The following NDUFA10 variants were observed in gnomAD, a reference collection of about 807,000 sequenced individuals.
The protein encoded by NDUFA10 is NADH dehydrogenase [ubiquinone] 1 alpha subcomplex subunit 10, mitochondrial.
Under a neutral mutation model 47.8 loss-of-function variants are expected in NDUFA10, and 40 were observed. That is an observed-to-expected ratio of 0.84 (90% CI 0.65 to 1.09). NDUFA10 has a LOEUF of 1.09. NDUFA10 is among the 50% of genes least tolerant of loss of function. The pLI is 0.00. For missense variants in NDUFA10, 413 were observed against 451.1 expected (o/e 0.92, Z 0.76); for synonymous variants, 183 against 172.2 (o/e 1.06, Z -0.49).
At position 239,960,502 on chromosome 2, in the gene NDUFA10, T is replaced by C. The variant is rs1443045580; in HGVS notation, c.*616A>G. 4.0e-6 allele frequency: 4 copies of C among 998,498 alleles called. No individual in the cohort carries two copies. Among genetic ancestry groups the C allele is most frequent in the Non-Finnish European group, 4.8e-6 (4 of 835,948 alleles). The allele number at this position is 998,498 out of a possible 1,614,324, so 61.9% of individuals were successfully genotyped here. The stretch of plus-strand genomic sequence containing the variant: ...CTTTCTCAACGTCTCTCTTAAAACA[T>C]ATTGTTCTGTAAATCTGTGGTAATT... On this transcript the variant is annotated 3_prime_UTR_variant, in exon 10 of 10. Transcript: ENST00000252711.
chr2:239,950,328 G>T (rs1694530550), intron 4 of NDUFA10, among the ~76,000 whole-genome samples: 1 of 152,180 alleles, frequency 6.6e-6, no homozygotes, highest in South Asian at 2.1e-4. Flanking sequence ...CGGGCAAGAG[G>T]TCTCCTGTGG....
chr2:240,019,889 C>T (rs1697548173), intron 3 of NDUFA10, among the ~76,000 whole-genome samples: 1 of 151,446 alleles, frequency 6.6e-6, no homozygotes, highest in Admixed American at 6.6e-5. Flanking sequence ...GAAGTCCACG[C>T]TACGACATCA....
At chr2:239,964,576 GA>G (rs1423280267) in intron 9 of NDUFA10, among the ~76,000 whole-genome samples, 1 of 152,110 alleles carries the variant, frequency 6.6e-6, no homozygotes, top group African/African-American at 2.4e-5. Context: ...ACACCAGGAA[GA>G]AAAAAACTGT....
chr2:240,018,662 A>G, intron 3 of NDUFA10, 23 bp from the exon 4 acceptor site: 1 of 1,612,824 alleles, frequency 6.2e-7, no homozygotes, highest in Non-Finnish European at 8.5e-7. Flanking sequence ...AGGCAAACAG[A>G]AATTGAAAAT....
At chr2:239,990,614 G>A (rs2106444145) in intron 8 of NDUFA10, among the ~76,000 whole-genome samples, 1 of 152,312 alleles carries the variant, frequency 6.6e-6, no homozygotes, top group African/African-American at 2.4e-5. Context: ...CAGGAACGGT[G>A]AGTAGCTTCA....
chr2:239,899,804 T>C (rs911364820), intron 4 of NDUFA10, among the ~76,000 whole-genome samples: 1 of 151,484 alleles, frequency 6.6e-6, no homozygotes, highest in African/African-American at 2.4e-5. Flanking sequence ...ACCTGCAGCA[T>C]CCAGCACACA....
In NDUFA10 at chr2:239,962,210, T is replaced by TACACACACACACACAC. The variant is rs59356951; in HGVS notation, c.1000-1040_1000-1025dup. On this transcript the variant is annotated intron_variant, in intron 9 of 9. Coordinates refer to ENST00000252711, the MANE Select transcript of NDUFA10 (RefSeq NM_004544.4). Reference sequence around the variant, plus strand: ...AGCATGGGCACACAGTCAATTTGTGTACACACACACACACACACACACACA... The same window carrying TACACACACACACACAC: ...AGCATGGGCACACAGTCAATTTGTGTACACACACACACACACACACACACACACACACACACACACA... 3.7e-4 allele frequency among the ~76,000 whole-genome samples: 56 copies of TACACACACACACACAC among 149,658 alleles called. 1 individual carries two copies. Among genetic ancestry groups the TACACACACACACACAC allele is most frequent in the African/African-American group, 1.3e-3 (51 of 40,790 alleles).
At chr2:239,942,204 T>C (rs966924974) in intron 4 of NDUFA10, among the ~76,000 whole-genome samples, 1 of 152,390 alleles carries the variant, frequency 6.6e-6, no homozygotes, top group Admixed American at 6.5e-5. Context: ...CTTTACTTAC[T>C]GTGGCTGTCT....
intron 4 of NDUFA10, chr2:239,943,206 C>A (rs1694390201): frequency 6.5e-6 from 1 of 154,472 alleles, no homozygotes; most frequent in African/African-American, 2.4e-5. Context: ...AGATCCCAAG[C>A]ACAGAGGCGG....
At chr2:240,006,882 G>A (rs1286854228) in intron 7 of NDUFA10, among the ~76,000 whole-genome samples, 2 of 152,076 alleles carry the variant, frequency 1.3e-5, no homozygotes, top group African/African-American at 2.4e-5. Context: ...ATGTTCTTTC[G>A]TTATTCTTCT....
Position 239,959,452 on chromosome 2 carries a change from T to G in NDUFA10, c.*1666A>C, listed in dbSNP as rs1320652588. 7 of 985,352 alleles carry G rather than the reference T, an allele frequency of 7.1e-6. No individual in the cohort carries two copies. In the East Asian group the frequency reaches 6.8e-4, roughly 96 times the overall value. 61.0% of individuals were successfully genotyped at this position (985,352 alleles called of 1,614,324 possible). On this transcript the variant is annotated 3_prime_UTR_variant, in exon 10 of 10. Transcript: ENST00000252711. ...TTTCCTCCCCTCCACAATGGGTTTG[T>G]GAAGTGCTCAGAGCAAAAGACACTC...
At chr2:239,995,835 A>G (rs1696451328) in intron 8 of NDUFA10, among the ~76,000 whole-genome samples, 1 of 152,252 alleles carries the variant, frequency 6.6e-6, no homozygotes, top group African/African-American at 2.4e-5. Flanking sequence ...ACATCAGCGA[A>G]AAAGAGGGGC....
At position 239,915,315 on chromosome 2, in the gene NDUFA10, T is replaced by TAC. The variant is rs567497423; in HGVS notation, c.295-20003_295-20002dup. Among the ~76,000 whole-genome samples, 7 of 105,792 alleles carry TAC rather than the reference T, an allele frequency of 6.6e-5. 1 individual carries two copies. The South Asian group carries it at 8.6e-4, about 13-fold the overall frequency. 69.4% of individuals were successfully genotyped at this position (105,792 alleles called of 152,430 possible). ...ACAGACAGAGAGACAGAGATAAACA[T>TAC]ACACACACACACAGAGAACGAAGAC... On this transcript the variant is annotated intron_variant, in intron 4 of 5. Coordinates refer to the NDUFA10 transcript ENST00000419408.
chr2:240,021,762 G>A (rs1216315173), intron 2 of NDUFA10, among the ~76,000 whole-genome samples: 1 of 152,168 alleles, frequency 6.6e-6, no homozygotes, highest in Non-Finnish European at 1.5e-5. Context: ...GTCAGGAAGG[G>A]GCTCTAACCT....
At chr2:239,979,432 G>C (rs1695678257) in intron 9 of NDUFA10, among the ~76,000 whole-genome samples, 1 of 152,122 alleles carries the variant, frequency 6.6e-6, no homozygotes, top group Non-Finnish European at 1.5e-5. Flanking sequence ...GCCACCACCA[G>C]GCCCTCAGCA....
chr2:240,005,470 C>A (rs961215037), intron 7 of NDUFA10, among the ~76,000 whole-genome samples, 175 bp from the exon 8 acceptor site: 5 of 152,110 alleles, frequency 3.3e-5, no homozygotes, highest in Admixed American at 3.3e-4. Context: ...CACCTCAGCA[C>A]CTCAGCCTCC....
rs889813092 is a variant in NDUFA10 at position 240,021,039 on chromosome 2, A to T, written c.460+158T>A. On this transcript the variant is annotated intron_variant, in intron 3 of 9. Transcript: ENST00000252711. ...ATTAAATTAATTCTGAAGCAAAAAT[A>T]ACACAATCTCAAGAAATTCATGATC... 42 of 691,436 alleles carry T rather than the reference A, an allele frequency of 6.1e-5. 1 individual carries two copies. In the Admixed American group the frequency reaches 9.1e-4, roughly 15 times the overall value. The allele number at this position is 691,436 out of a possible 1,614,324, so 42.8% of individuals were successfully genotyped here.
At chr2:239,994,999 G>A (rs969284930) in intron 8 of NDUFA10, among the ~76,000 whole-genome samples, 1 of 152,184 alleles carries the variant, frequency 6.6e-6, no homozygotes, top group Non-Finnish European at 1.5e-5. Context: ...AAGAGGCCGG[G>A]TGCGGCGACT....
intron 4 of NDUFA10, among the ~76,000 whole-genome samples, chr2:239,930,701 C>T (rs1329689229): frequency 6.6e-6 from 1 of 152,032 alleles, no homozygotes; most frequent in Non-Finnish European, 1.5e-5. Context: ...GGGAGCCGGA[C>T]CAGAGGGCGT....
Sources: gnomAD v4.1 joint callset for allele counts (sites outside exome capture counted in the v4.1 genomes callset) on GRCh38, gnomAD v4.1.1 for gene constraint, MANE v1.5 for transcripts, NCBI Gene and HGNC (gene_info 2026-07-23, HGNC 2026-07-21) for gene names.